RASSF3: variants seen among roughly 807,000 people sequenced by gnomAD.
RASSF3 encodes the protein Ras association domain family member 3.
RASSF3 carries 19 observed loss-of-function variants against 19.9 expected under a neutral mutation model. The observed-to-expected ratio is 0.96, with a 90% CI of 0.67 to 1.40. The LOEUF is 1.40. RASSF3 is among the 40% of genes most tolerant of loss of function. The pLI, the probability that RASSF3 is intolerant of heterozygous loss-of-function variation, is 0.00. For missense variants in RASSF3, 306 were observed against 289.8 expected (o/e 1.06, Z -0.41); for synonymous variants, 110 against 104.2 (o/e 1.06, Z -0.34).
At chr12:64,553,804 C>T (rs551318004) in intron 2 of RASSF3, among the ~76,000 whole-genome samples, 1 of 152,138 alleles carries the variant, frequency 6.6e-6, no homozygotes, top group African/African-American at 2.4e-5. Context: ...TGGCAAAAAC[C>T]TGTCTCTACA....
chr12:64,626,531 T>C (rs1354473461), intron 1 of RASSF3, among the ~76,000 whole-genome samples: 5 of 151,678 alleles, frequency 3.3e-5, no homozygotes, highest in Non-Finnish European at 7.4e-5. Context: ...AGATTAACAG[T>C]ATTTCTAATG....
At chr12:64,675,214 C>T (rs1275334512) in intron 1 of RASSF3, among the ~76,000 whole-genome samples, 2 of 151,994 alleles carry the variant, frequency 1.3e-5, no homozygotes, top group African/African-American at 4.8e-5. Flanking sequence ...AATATTTGTT[C>T]CTTTATAATG....
chr12:64,678,850 T>C (rs532891451), intron 1 of RASSF3, among the ~76,000 whole-genome samples: 4 of 152,248 alleles, frequency 2.6e-5, no homozygotes, highest in African/African-American at 9.6e-5. Context: ...TTCATAACAG[T>C]TGTGTAGATA....
intron 2 of RASSF3, among the ~76,000 whole-genome samples, chr12:64,583,992 G>A (rs761229647): frequency 3.3e-5 from 5 of 152,152 alleles, no homozygotes; most frequent in Non-Finnish European, 5.9e-5. Context: ...AAATGGTGCC[G>A]TCCAGCTAAA....
intron 2 of RASSF3, among the ~76,000 whole-genome samples, chr12:64,571,160 G>C (rs1040930144): frequency 1.3e-5 from 2 of 151,990 alleles, no homozygotes; most frequent in Admixed American, 6.6e-5. Context: ...ACAGAGAGCC[G>C]AGATCGCGCC....
chr12:64,631,527 A>G (rs11175478), intron 1 of RASSF3, among the ~76,000 whole-genome samples: 16,598 of 146,612 alleles, frequency 0.11, 1,055 homozygotes, highest in East Asian at 0.3. Context: ...GGGTGTTGTC[A>G]TCGTATGTAA....
At chr12:64,585,925 T>C (rs1330564067) in intron 2 of RASSF3, among the ~76,000 whole-genome samples, 1 of 152,180 alleles carries the variant, frequency 6.6e-6, no homozygotes, top group East Asian at 1.9e-4. Context: ...ACAATTGTTA[T>C]AGTAGAGAGT....
intron 1 of RASSF3, among the ~76,000 whole-genome samples, chr12:64,667,918 A>G (rs930217097): frequency 2.0e-5 from 3 of 152,210 alleles, no homozygotes; most frequent in Non-Finnish European, 4.4e-5. Context: ...TTAAGAGGTA[A>G]GAAAGTAACA....
In RASSF3 at chr12:64,619,934, T is replaced by A. The variant is rs1870688626; in HGVS notation, c.111+9191T>A. Reference sequence around the variant, plus strand: ...GGTGGAGGTTGTGGTGAGCCGAGATTGCGCCACTGCACTCCAGCTTGGGCA... The same window carrying A: ...GGTGGAGGTTGTGGTGAGCCGAGATAGCGCCACTGCACTCCAGCTTGGGCA... On this transcript the variant is annotated intron_variant, in intron 1 of 4. Transcript: ENST00000542104. Among the ~76,000 whole-genome samples the A allele has an allele frequency of 2.0e-5, 3 of 148,806 alleles. No individual in the cohort carries two copies. In the South Asian group the frequency reaches 6.3e-4, roughly 31 times the overall value.
intron 1 of RASSF3, among the ~76,000 whole-genome samples, chr12:64,683,076 A>C (rs1873198166): frequency 6.6e-6 from 1 of 152,184 alleles, no homozygotes; most frequent in Non-Finnish European, 1.5e-5. Flanking sequence ...CTTATCTGTA[A>C]CGTAGGGGTG....
chr12:64,675,052 C>CCCCCCCCCCCCCCCCCCCCCG (rs1555215878), intron 1 of RASSF3, among the ~76,000 whole-genome samples: 1 of 102,620 alleles, frequency 9.7e-6, no homozygotes, highest in African/African-American at 3.4e-5. Flanking sequence ...CTAGCCCCCC[C>CCCCCCCCCCCCCCCCCCCCCG]CCCCCCCGCC....
chr12:64,608,739 T>A (rs1870239007), upstream of RASSF3, among the ~76,000 whole-genome samples: 1 of 152,232 alleles, frequency 6.6e-6, no homozygotes, highest in Non-Finnish European at 1.5e-5. Flanking sequence ...CTTGGAATAT[T>A]TAATAAGAGC....
intron 1 of RASSF3, among the ~76,000 whole-genome samples, chr12:64,660,621 G>T (rs1485861948): frequency 6.6e-6 from 1 of 152,120 alleles, no homozygotes; most frequent in Non-Finnish European, 1.5e-5. Flanking sequence ...ACTATCATTT[G>T]CTTTTTCTCT....
chr12:64,561,646 C>CA (rs1359529948), intron 2 of RASSF3, among the ~76,000 whole-genome samples: 1 of 150,438 alleles, frequency 6.6e-6, no homozygotes, highest in Non-Finnish European at 1.5e-5. Context: ...GCCACTAAAA[C>CA]AAAAAATGCC....
chr12:64,604,907 G>A (rs926842142), intron 2 of RASSF3, among the ~76,000 whole-genome samples: 7 of 152,004 alleles, frequency 4.6e-5, no homozygotes, highest in Non-Finnish European at 7.4e-5. Context: ...TTACAGGCGT[G>A]AGCCACCGTG....
intron 1 of RASSF3, among the ~76,000 whole-genome samples, chr12:64,514,094 G>C (rs1349216277): frequency 1.3e-5 from 2 of 149,192 alleles, no homozygotes; most frequent in Admixed American, 1.3e-4. Flanking sequence ...TCACCATGTT[G>C]GTCAGGCTGG....
intron 2 of RASSF3, among the ~76,000 whole-genome samples, chr12:64,556,472 T>C (rs1487461569): frequency 3.3e-5 from 5 of 152,068 alleles, no homozygotes; most frequent in African/African-American, 1.2e-4. Context: ...GGGGAGTTCT[T>C]CTATAAAAGA....
intron 1 of RASSF3, among the ~76,000 whole-genome samples, chr12:64,535,620 C>T (rs1868807898): frequency 6.6e-6 from 1 of 152,076 alleles, no homozygotes; most frequent in African/African-American, 2.4e-5. Context: ...CTCACCTTGA[C>T]CTCCCAAAGT....
intron 4 of RASSF3, among the ~76,000 whole-genome samples, chr12:64,693,399 T>C (rs540772369): frequency 2.5e-4 from 38 of 150,344 alleles, no homozygotes; most frequent in Non-Finnish European, 4.9e-4. Context: ...CTTCTATTTT[T>C]TAAAATCTGT....
Sources: allele counts gnomAD v4.1 joint callset (sites outside exome capture counted in the v4.1 genomes callset), GRCh38; gene constraint gnomAD v4.1.1; transcripts MANE v1.5; gene names NCBI Gene and HGNC (gene_info 2026-07-23, HGNC 2026-07-21).